UBE2W: variants seen among roughly 807,000 people sequenced by gnomAD.
The protein encoded by UBE2W is ubiquitin-conjugating enzyme E2 W.
In UBE2W, 18 loss-of-function variants were observed where a neutral mutation model predicts 27.2. That is an observed-to-expected ratio of 0.66 (90% CI 0.46 to 0.98). The LOEUF (loss-of-function observed/expected upper bound fraction) is 0.98, where lower values mean the gene tolerates loss of function less well. Among genes scored for constraint, UBE2W ranks in the 50% least tolerant of loss-of-function variants. The pLI, the probability that UBE2W is intolerant of heterozygous loss-of-function variation, is 0.00. For synonymous variants in UBE2W, 53 were observed against 57.2 expected (o/e 0.93, Z 0.33); for missense variants, 90 against 180.2 (o/e 0.50, Z 2.87).
At chr8:73,830,359 C>A in intron 2 of UBE2W, 22 bp downstream of exon 2, 1 of 1,525,802 alleles carries the variant, frequency 6.6e-7, no homozygotes, top group Non-Finnish European at 9.0e-7. Flanking sequence ...AACAAAGAGC[C>A]CTTTTAAAAT....
chr8:73,783,047 G>A (rs1227842316), downstream of UBE2W, among the ~76,000 whole-genome samples: 1 of 152,080 alleles, frequency 6.6e-6, no homozygotes. Context: ...GTGTTTGTTT[G>A]CCATTCCTAT....
intron 5 of UBE2W, among the ~76,000 whole-genome samples, chr8:73,795,591 T>C (rs1441293708): frequency 6.6e-6 from 1 of 152,198 alleles, no homozygotes; most frequent in Non-Finnish European, 1.5e-5. Flanking sequence ...TTAGAATTGA[T>C]ATACTGCTAA....
At chr8:73,849,670 A>G (rs1810990121) in intron 1 of UBE2W, among the ~76,000 whole-genome samples, 1 of 152,020 alleles carries the variant, frequency 6.6e-6, no homozygotes, top group Non-Finnish European at 1.5e-5. Context: ...TTAAAAGGAA[A>G]GAAATAAATC....
Position 73,793,109 on chromosome 8 carries a change from C to T in UBE2W, c.*993G>A. On this transcript the variant is annotated 3_prime_UTR_variant, in exon 6 of 6. Coordinates refer to ENST00000602593, the MANE Select transcript of UBE2W (RefSeq NM_018299.6). ...TGTAACATTCAAACTTGACTTATAA[C>T]AAAAGAAACAAGATTGCAAACAAAA... is the stretch of plus-strand genomic sequence containing the variant. The T allele has an allele frequency of 1.1e-5, 11 of 985,660 alleles. No homozygotes were observed. The highest frequency in any genetic ancestry group is 1.3e-5 in the Non-Finnish European group (11 of 829,832). 61.1% of individuals were successfully genotyped at this position (985,660 alleles called of 1,614,324 possible). A position where few individuals can be genotyped will look rare whatever the true frequency, so the allele number is the denominator to read the frequency against.
intron 4 of UBE2W, among the ~76,000 whole-genome samples, chr8:73,809,566 A>G (rs1809063709): frequency 6.6e-6 from 1 of 152,110 alleles, no homozygotes; most frequent in African/African-American, 2.4e-5. Context: ...TCCTAAATTT[A>G]TATGTATATT....
intron 3 of UBE2W, among the ~76,000 whole-genome samples, chr8:73,822,004 T>G (rs1809633333): frequency 1.3e-5 from 2 of 152,144 alleles, no homozygotes; most frequent in Non-Finnish European, 1.5e-5. Context: ...ATCTTTAACC[T>G]CCTTGTTAAG....
chr8:73,825,052 C>T (rs1025865526), intron 3 of UBE2W, 95 bp downstream of exon 3: 91 of 707,794 alleles, frequency 1.3e-4, no homozygotes, highest in South Asian at 2.6e-4. Context: ...CATCTACATA[C>T]GTATAACTGA....
chr8:73,804,388 A>C (rs2130861924), intron 5 of UBE2W, among the ~76,000 whole-genome samples: 1 of 152,212 alleles, frequency 6.6e-6, no homozygotes, highest in Middle Eastern at 3.4e-3. Flanking sequence ...ACTACATTGA[A>C]GAATACAGAC....
chr8:73,797,287 A>C (rs1051185038), intron 5 of UBE2W, among the ~76,000 whole-genome samples: 8 of 152,224 alleles, frequency 5.3e-5, no homozygotes, highest in Non-Finnish European at 2.9e-5. Flanking sequence ...CAGGGACAGA[A>C]GACTAGAAAA....
chr8:73,843,454 G>A (rs117500696), intron 1 of UBE2W, among the ~76,000 whole-genome samples: 5,787 of 152,060 alleles, frequency 0.038, 149 homozygotes, highest in Non-Finnish European at 0.061. Flanking sequence ...GCCACACAGC[G>A]AGACCACATC....
intron 5 of UBE2W, among the ~76,000 whole-genome samples, chr8:73,798,059 G>A (rs1250449820): frequency 1.3e-5 from 2 of 152,138 alleles, no homozygotes; most frequent in Non-Finnish European, 2.9e-5. Flanking sequence ...AGGCTGAGGC[G>A]GGCAGATTGC....
At chr8:73,867,907 A>G (rs1046190049) in intron 1 of UBE2W, among the ~76,000 whole-genome samples, 1 of 152,164 alleles carries the variant, frequency 6.6e-6, no homozygotes, top group African/African-American at 2.4e-5. Flanking sequence ...CTGGCCAAAC[A>G]TAGAAACTGG....
At position 73,787,583 on chromosome 8, in the gene UBE2W, A is replaced by T; in HGVS notation, c.*6519T>A. The stretch of plus-strand genomic sequence containing the variant: ...TGAGGACTAAGGTGCTCCTGGGGCA[A>T]GCAGATCCCCTGCAGAAAAGCTTAG... On this transcript the variant is annotated 3_prime_UTR_variant, in exon 6 of 6. Transcript: ENST00000602593. 1 of 985,462 alleles carries T rather than the reference A, an allele frequency of 1.0e-6. No individual in the cohort carries two copies. Among genetic ancestry groups the T allele is most frequent in the Non-Finnish European group, 1.2e-6 (1 of 829,936 alleles). The allele number at this position is 985,462 out of a possible 1,614,324, so 61.0% of individuals were successfully genotyped here. A position where few individuals can be genotyped will look rare whatever the true frequency, so the allele number is the denominator to read the frequency against.
In UBE2W at chr8:73,789,060, C is replaced by A; in HGVS notation, c.*5042G>T. 1 of 985,082 alleles carries A rather than the reference C, an allele frequency of 1.0e-6. No homozygotes were observed. The highest frequency in any genetic ancestry group is 1.7e-5 in the African/African-American group (1 of 57,270). 61.0% of individuals were successfully genotyped at this position (985,082 alleles called of 1,614,324 possible). ...ATATGAAAATTAAAATTACAATTAA[C>A]ATCTCACCAGGATCAAAGAACCCTA... On this transcript the variant is annotated 3_prime_UTR_variant, in exon 6 of 6. Coordinates refer to ENST00000602593, the MANE Select transcript of UBE2W (RefSeq NM_018299.6).
At chr8:73,826,454 A>C (rs917879947) in intron 2 of UBE2W, among the ~76,000 whole-genome samples, 2 of 152,218 alleles carry the variant, frequency 1.3e-5, no homozygotes, top group South Asian at 4.1e-4. Flanking sequence ...AATACAAGAA[A>C]ACAAAAGGAA....
chr8:73,786,384 T>A lies in UBE2W; in HGVS notation c.*7718A>T. On this transcript the variant is annotated 3_prime_UTR_variant, in exon 6 of 6. Transcript: ENST00000602593. ...GAAAGCTAGGATAAAAATACAAGCA[T>A]AACCAAGTTAATTCAATACACACTT... The A allele has an allele frequency of 2.0e-6, 2 of 985,442 alleles. No individual in the cohort carries two copies. The highest frequency in any genetic ancestry group is 2.4e-6 in the Non-Finnish European group (2 of 829,930). 61.0% of individuals were successfully genotyped at this position (985,442 alleles called of 1,614,324 possible).
intron 2 of UBE2W, among the ~76,000 whole-genome samples, chr8:73,826,575 CAG>C (rs1342825212): frequency 6.6e-6 from 1 of 152,148 alleles, no homozygotes; most frequent in East Asian, 1.9e-4. Context: ...CTACAGTATA[CAG>C]ACTCTTAAGA....
intron 1 of UBE2W, among the ~76,000 whole-genome samples, chr8:73,852,255 G>T (rs1338719301): frequency 6.6e-6 from 1 of 152,130 alleles, no homozygotes; most frequent in Non-Finnish European, 1.5e-5. Context: ...CCTCTTTAGG[G>T]TGGGTATGCT....
intron 5 of UBE2W, among the ~76,000 whole-genome samples, chr8:73,798,995 C>G (rs1808531373): frequency 6.6e-6 from 1 of 151,956 alleles, no homozygotes; most frequent in Non-Finnish European, 1.5e-5. Flanking sequence ...CCCTCCCACT[C>G]CCGCACTGCC....
Sources: allele counts gnomAD v4.1 joint callset (sites outside exome capture counted in the v4.1 genomes callset), GRCh38; gene constraint gnomAD v4.1.1; transcripts MANE v1.5; gene names NCBI Gene and HGNC (gene_info 2026-07-23, HGNC 2026-07-21).